The following EYS variants were observed in gnomAD, a reference collection of about 807,000 sequenced individuals.
The protein encoded by EYS is protein eyes shut homolog.
In EYS, 250 loss-of-function variants were observed where a neutral mutation model predicts 282.1. The ratio of observed to expected loss-of-function variants is 0.89; its 90% CI spans 0.80 to 0.98. The LOEUF (loss-of-function observed/expected upper bound fraction) is 0.98, where lower values mean the gene tolerates loss of function less well. EYS is among the 50% of genes least tolerant of loss of function. The probability of loss-of-function intolerance (pLI) is 0.00; values close to 1 mark genes in which losing one functional copy is unlikely to be tolerated. For synonymous variants in EYS, 1,355 were observed against 1,282.9 expected (o/e 1.06, Z -1.20); for missense variants, 4,016 against 3,709.0 (o/e 1.08, Z -2.15).
At chr6:64,676,351 T>TATATATATATATCTATATATATAGAG (rs1554192088) in intron 22 of EYS, among the ~76,000 whole-genome samples, 2 of 145,462 alleles carry the variant, frequency 1.4e-5, no homozygotes, top group East Asian at 2.0e-4. Context: ...TATATATATA[T>TATATATATATATCTATATATATAGAG]AGAGAGAGAG....
At chr6:64,405,299 T>C (rs1042028829) in intron 28 of EYS, among the ~76,000 whole-genome samples, 1 of 152,146 alleles carries the variant, frequency 6.6e-6, no homozygotes, top group Non-Finnish European at 1.5e-5. Flanking sequence ...TCAGTGGATG[T>C]TAGTTTTCTT....
chr6:65,655,315 G>T (rs770092396), intron 1 of EYS, among the ~76,000 whole-genome samples: 1 of 151,560 alleles, frequency 6.6e-6, no homozygotes, highest in Non-Finnish European at 1.5e-5. Context: ...AAAGAATATA[G>T]TATGAAAATG....
At chr6:65,699,990 C>T (rs1168100355) in intron 1 of EYS, among the ~76,000 whole-genome samples, 4 of 151,514 alleles carry the variant, frequency 2.6e-5, no homozygotes, top group Non-Finnish European at 4.4e-5. Context: ...TGGCGGGCGC[C>T]TGTAGTCCCA....
At chr6:65,257,327 G>A (rs1309589285) in intron 12 of EYS, among the ~76,000 whole-genome samples, 7 of 94,634 alleles carry the variant, frequency 7.4e-5, no homozygotes, top group Non-Finnish European at 1.4e-4. Context: ...TTGGTGTTTT[G>A]GACATGAAGT....
Position 65,263,703 on chromosome 6 carries a change from C to CTGTGTGTGTGTGTGTGTGTGTG in EYS, c.2023+32138_2023+32159dup, listed in dbSNP as rs3042394. Among the ~76,000 whole-genome samples, 189 of 141,398 alleles carry CTGTGTGTGTGTGTGTGTGTGTG rather than the reference C, an allele frequency of 1.3e-3. 1 individual carries two copies. Among genetic ancestry groups the CTGTGTGTGTGTGTGTGTGTGTG allele is most frequent in the African/African-American group, 3.4e-3 (131 of 38,582 alleles). The allele number at this position is 141,398 out of a possible 152,430, so 92.8% of individuals were successfully genotyped here. ...CCTAAAAAGCAAAAACAAGGCAAAG[C>CTGTGTGTGTGTGTGTGTGTGTG]TGTGTGTGTGTGTGTGTGTGTGTGT... On this transcript the variant is annotated intron_variant, in intron 12 of 42. Coordinates refer to ENST00000503581, the MANE Select transcript of EYS (RefSeq NM_001142800.2).
chr6:63,897,955 C>T (rs1773573231), intron 35 of EYS, among the ~76,000 whole-genome samples: 1 of 152,144 alleles, frequency 6.6e-6, no homozygotes, highest in Admixed American at 6.5e-5. Flanking sequence ...GAAGCAGAGA[C>T]ATTAATAAGA....
At chr6:64,024,362 G>A (rs996377283) in intron 33 of EYS, among the ~76,000 whole-genome samples, 1 of 152,114 alleles carries the variant, frequency 6.6e-6, no homozygotes, top group African/African-American at 2.4e-5. Flanking sequence ...GTGACACTCT[G>A]TATCTAGCTA....
intron 30 of EYS, among the ~76,000 whole-genome samples, chr6:64,239,400 T>A (rs1441242448): frequency 1.3e-5 from 2 of 152,172 alleles, no homozygotes; most frequent in Non-Finnish European, 2.9e-5. Context: ...TTTCTCCACA[T>A]CCTCTCCAGC....
chr6:64,621,616 C>T (rs1767449123), intron 23 of EYS, among the ~76,000 whole-genome samples: 1 of 152,190 alleles, frequency 6.6e-6, no homozygotes, highest in African/African-American at 2.4e-5. Context: ...GCAGCCACCT[C>T]ATCATCGACA....
intron 41 of EYS, among the ~76,000 whole-genome samples, chr6:63,752,717 G>C (rs934895428): frequency 6.6e-6 from 1 of 151,704 alleles, no homozygotes; most frequent in African/African-American, 2.4e-5. Context: ...GGATGGTCTC[G>C]ATCTCCTGAC....
intron 22 of EYS, among the ~76,000 whole-genome samples, chr6:64,772,310 T>A (rs891864897): frequency 4.6e-5 from 7 of 151,702 alleles, no homozygotes; most frequent in Admixed American, 1.3e-4. Context: ...GTCTAATTAG[T>A]TTTGAATATG....
intron 12 of EYS, among the ~76,000 whole-genome samples, chr6:65,252,727 A>C (rs1767359587): frequency 6.6e-6 from 1 of 151,976 alleles, no homozygotes; most frequent in Non-Finnish European, 1.5e-5. Context: ...TACTGAAGTC[A>C]ATGGAAAAAT....
At chr6:64,806,024 A>G (rs1467471056) in intron 22 of EYS, among the ~76,000 whole-genome samples, 1 of 151,700 alleles carries the variant, frequency 6.6e-6, no homozygotes, top group Non-Finnish European at 1.5e-5. Context: ...ATAAAATATA[A>G]TTTTAAAATT....
chr6:65,546,321 ATTT>A (rs111400363), intron 2 of EYS, among the ~76,000 whole-genome samples: 1 of 148,090 alleles, frequency 6.8e-6, no homozygotes, highest in Admixed American at 6.7e-5. Flanking sequence ...TCAGCCTATA[ATTT>A]TTTTTTTTTT....
At chr6:64,461,937 G>T (rs1775765060) in intron 26 of EYS, among the ~76,000 whole-genome samples, 1 of 151,952 alleles carries the variant, frequency 6.6e-6, no homozygotes, top group African/African-American at 2.4e-5. Context: ...AGGCTAAGTT[G>T]TTTTTCTTTT....
At chr6:64,584,857 A>G (rs1224053791) in intron 26 of EYS, among the ~76,000 whole-genome samples, 1 of 152,118 alleles carries the variant, frequency 6.6e-6, no homozygotes, top group Non-Finnish European at 1.5e-5. Flanking sequence ...AATGTACTAT[A>G]AAATGTACTC....
chr6:64,299,706 G>A (rs910320325), intron 30 of EYS, among the ~76,000 whole-genome samples: 1 of 152,188 alleles, frequency 6.6e-6, no homozygotes, highest in Admixed American at 6.5e-5. Flanking sequence ...AGTTTTGCAG[G>A]CTCAATTAAG....
At chr6:65,625,061 G>A (rs534925871) in intron 2 of EYS, among the ~76,000 whole-genome samples, 2 of 152,112 alleles carry the variant, frequency 1.3e-5, no homozygotes, top group African/African-American at 2.4e-5. Context: ...TTCAAAGCCT[G>A]AGAAAATTTC....
intron 7 of EYS, among the ~76,000 whole-genome samples, chr6:65,389,962 T>C (rs1382084049): frequency 1.3e-5 from 2 of 152,066 alleles, no homozygotes; most frequent in Non-Finnish European, 2.9e-5. Context: ...GGAATGTCAA[T>C]GTAGTCATAT....
Sources: gnomAD v4.1 joint callset for allele counts (sites outside exome capture counted in the v4.1 genomes callset) on GRCh38, gnomAD v4.1.1 for gene constraint, MANE v1.5 for transcripts, NCBI Gene and HGNC (gene_info 2026-07-23, HGNC 2026-07-21) for gene names.